AKAP7: variants seen among roughly 807,000 people sequenced by gnomAD.
The protein encoded by AKAP7 is A-kinase anchoring protein 7, also known as A kinase (PRKA) anchor protein 7.
A neutral mutation model predicts 39.5 loss-of-function variants in AKAP7; 39 were observed. That is an observed-to-expected ratio of 0.99 (90% CI 0.76 to 1.29). The LOEUF (loss-of-function observed/expected upper bound fraction) is 1.29. Among genes scored for constraint, AKAP7 ranks in the 50% most tolerant of loss-of-function variants. AKAP7 has a pLI of 0.00. For missense variants in AKAP7, 414 were observed against 407.7 expected, an observed-to-expected ratio of 1.02 and a Z score of -0.13; for synonymous variants, 140 against 139.1, an observed-to-expected ratio of 1.01 and a Z score of -0.05.
intron 5 of AKAP7, among the ~76,000 whole-genome samples, chr6:131,190,869 C>G (rs754882730): frequency 1.4e-4 from 21 of 151,874 alleles, no homozygotes; most frequent in Non-Finnish European, 2.1e-4. Flanking sequence ...TTGGGAAGTC[C>G]TTCTTCTTCT....
chr6:131,171,330 A>C (rs1454442687), intron 5 of AKAP7, among the ~76,000 whole-genome samples: 1 of 152,202 alleles, frequency 6.6e-6, no homozygotes, highest in Non-Finnish European at 1.5e-5. Context: ...GGATTGAGGA[A>C]GATTTCATAG....
intron 5 of AKAP7, among the ~76,000 whole-genome samples, chr6:131,194,205 C>T (rs1806694483): frequency 1.3e-5 from 2 of 151,880 alleles, no homozygotes; most frequent in Non-Finnish European, 2.9e-5. Flanking sequence ...ATGGCTTTTG[C>T]TCTATCCCAT....
rs1031350623 is a variant in AKAP7, at chr6:131,193,357, G to T, written c.590-6104G>T. 5.3e-5 allele frequency among the ~76,000 whole-genome samples: 8 copies of T among 152,208 alleles called. No homozygotes were observed. The South Asian group carries it at 6.2e-4, about 12-fold the overall frequency. ...TCATATGGTTTTTGTTCTTCATTCT[G>T]TTGATATGATGTATCACATTGATTT... On this transcript the variant is annotated intron_variant, in intron 5 of 7. Transcript: ENST00000431975.
intron 5 of AKAP7, among the ~76,000 whole-genome samples, chr6:131,192,878 GGT>G (rs1806556996): frequency 6.6e-6 from 1 of 151,964 alleles, no homozygotes; most frequent in Non-Finnish European, 1.5e-5. Context: ...TTCTTTTTCA[GGT>G]TGTTCACTAT....
upstream of AKAP7, among the ~76,000 whole-genome samples, chr6:131,135,039 G>A (rs902901294): frequency 2.0e-5 from 3 of 152,154 alleles, no homozygotes; most frequent in African/African-American, 7.2e-5. Context: ...TAGAGACTTT[G>A]TCACAATTTG....
chr6:131,167,016 G>A (rs1392499995), intron 4 of AKAP7, among the ~76,000 whole-genome samples: 1 of 152,106 alleles, frequency 6.6e-6, no homozygotes, highest in Non-Finnish European at 1.5e-5. Context: ...TTACAGTGTA[G>A]AAGAAAGGAA....
chr6:131,263,467 A>G (rs1317380154), intron 7 of AKAP7, among the ~76,000 whole-genome samples: 2 of 152,212 alleles, frequency 1.3e-5, no homozygotes, highest in African/African-American at 2.4e-5. Context: ...TACAGGTTGT[A>G]AACTACAATG....
intron 2 of AKAP7, among the ~76,000 whole-genome samples, chr6:131,149,049 G>A (rs1428002374): frequency 6.6e-6 from 1 of 152,194 alleles, no homozygotes; most frequent in Admixed American, 6.5e-5. Flanking sequence ...ATGGGAAGGG[G>A]AATCCTTGGC....
chr6:131,258,459 AATT>A (rs1813043332), intron 7 of AKAP7, among the ~76,000 whole-genome samples: 1 of 152,188 alleles, frequency 6.6e-6, no homozygotes, highest in African/African-American at 2.4e-5. Context: ...TTACTACCCA[AATT>A]GGAAATTACC....
intron 6 of AKAP7, among the ~76,000 whole-genome samples, chr6:131,213,083 T>G (rs187520012): frequency 1.6e-4 from 24 of 152,330 alleles, no homozygotes. Flanking sequence ...GGTGAGTGGT[T>G]CCATACTTTT....
At chr6:131,181,502 T>C (rs1805239423) in intron 5 of AKAP7, among the ~76,000 whole-genome samples, 1 of 152,228 alleles carries the variant, frequency 6.6e-6, no homozygotes, top group South Asian at 2.1e-4. Context: ...GCCGCTTTGC[T>C]TCCAGACTCT....
intron 7 of AKAP7, among the ~76,000 whole-genome samples, chr6:131,221,607 C>T (rs1374847768): frequency 6.6e-6 from 1 of 152,152 alleles, no homozygotes; most frequent in Non-Finnish European, 1.5e-5. Context: ...AAAGAACAGG[C>T]CGACTCTCTT....
intron 6 of AKAP7, among the ~76,000 whole-genome samples, chr6:131,209,427 T>A (rs558758545): frequency 1.3e-5 from 2 of 152,194 alleles, no homozygotes; most frequent in South Asian, 4.1e-4. Flanking sequence ...ATTTTTTGTA[T>A]TTTTAGTAGA....
intron 7 of AKAP7, among the ~76,000 whole-genome samples, chr6:131,234,892 AT>A (rs910513929): frequency 2.0e-5 from 3 of 150,306 alleles, no homozygotes; most frequent in African/African-American, 4.9e-5. Context: ...TTTTTATTTT[AT>A]TTTTTTATTA....
At chr6:131,126,626 T>C in the AKAP7 span, among the ~76,000 whole-genome samples, 5 of 152,172 alleles carry the variant, frequency 3.3e-5, no homozygotes, top group Non-Finnish European at 7.3e-5. Flanking sequence ...ATAAAATCCC[T>C]GCCCTCATGG....
chr6:131,218,666 A>G (rs970750884), intron 6 of AKAP7, among the ~76,000 whole-genome samples: 9 of 152,198 alleles, frequency 5.9e-5, no homozygotes, highest in African/African-American at 2.2e-4. Flanking sequence ...AGAGGCAGAT[A>G]TATTCTTTCC....
intron 5 of AKAP7, among the ~76,000 whole-genome samples, chr6:131,191,209 C>T (rs1013338273): frequency 1.3e-5 from 2 of 152,146 alleles, no homozygotes; most frequent in East Asian, 3.8e-4. Flanking sequence ...TAAGACATCG[C>T]TAATATTTGA....
chr6:131,281,531 T>C lies in AKAP7; in HGVS notation c.852T>C (p.Gly284=). ...YYHCESSIVI[G]EKNGGEPDDA... ...TCTCTTCTCTATTGTGGAATGTAGG[T>C]GAAAAGAACGGAGGGGAGCCCGATG... is the stretch of plus-strand genomic sequence containing the variant. Residue 284 remains glycine, a splice_region_variant and synonymous_variant, in exon 8 of 8, where the codon GGT becomes GGC. Transcript: ENST00000431975. This position sits in a 1 kb window ranked among gnomAD's most constrained non-coding sequence, Gnocchi z 4.0. The C allele has an allele frequency of 6.2e-7, 1 of 1,601,640 alleles. No homozygotes were observed. The highest frequency in any genetic ancestry group is 8.5e-7 in the Non-Finnish European group (1 of 1,174,262).
intron 3 of AKAP7, 83 bp downstream of exon 3, chr6:131,160,281 T>G: frequency 7.1e-7 from 1 of 1,408,128 alleles, no homozygotes; most frequent in South Asian, 1.3e-5. Flanking sequence ...GCCCACTTGC[T>G]CTTAGCTTTT....
Sources: gnomAD v4.1 joint callset for allele counts (sites outside exome capture counted in the v4.1 genomes callset) on GRCh38, gnomAD v4.1.1 for gene constraint, Gnocchi (gnomAD v3.1) non-coding constraint, MANE v1.5 for transcripts, NCBI Gene and HGNC (gene_info 2026-07-23, HGNC 2026-07-21) for gene names.